PCDH15: variants seen among roughly 807,000 people sequenced by gnomAD.
PCDH15 encodes protocadherin-15.
PCDH15 carries 129 observed loss-of-function variants against 178.5 expected under a neutral mutation model. The observed-to-expected ratio is 0.72, with a 90% CI of 0.63 to 0.84. PCDH15 has a LOEUF of 0.84. Ranked by LOEUF, PCDH15 falls within the 40% of genes least tolerant of loss-of-function variation. The probability of loss-of-function intolerance (pLI) is 0.00; values close to 1 mark genes in which losing one functional copy is unlikely to be tolerated. For synonymous variants in PCDH15, 800 were observed against 732.0 expected (o/e 1.09, Z -1.50); for missense variants, 2,230 against 2,099.9 (o/e 1.06, Z -1.21).
intron 23 of PCDH15, among the ~76,000 whole-genome samples, chr10:53,945,991 T>TA (rs1347274921): frequency 6.6e-6 from 1 of 151,352 alleles, no homozygotes; most frequent in Non-Finnish European, 1.5e-5. Context: ...CTTCCACCAA[T>TA]AGCCTGATTT....
At position 55,253,685 on chromosome 10, in the gene PCDH15, G is replaced by A. The variant is rs531917761; in HGVS notation, c.-156+65914C>T. 2.6e-5 allele frequency among the ~76,000 whole-genome samples: 4 copies of A among 151,810 alleles called. No individual in the cohort carries two copies. The South Asian group carries it at 8.3e-4, about 32-fold the overall frequency. Reference sequence around the variant, plus strand: ...ATAAACCTATTCTTGTAAAGTATATGGCTCATTCAGCAATGCACATAAAGC... The same window carrying A: ...ATAAACCTATTCTTGTAAAGTATATAGCTCATTCAGCAATGCACATAAAGC... On this transcript the variant is annotated intron_variant, in intron 1 of 5. Coordinates refer to the PCDH15 transcript ENST00000458638.
rs1590205105 is a variant in PCDH15 at position 54,574,548 on chromosome 10, A to G, written c.92-46671T>C. Among the ~76,000 whole-genome samples the G allele has an allele frequency of 2.0e-5, 3 of 148,536 alleles. No homozygotes were observed. The Admixed American group carries it at 2.0e-4, about 10-fold the overall frequency. On this transcript the variant is annotated intron_variant, in intron 2 of 37. Transcript: ENST00000644397. ...TATGCAGCCAAAAAACACGTGAAAA[A>G]ATGCTCATCATCACTGGCCATCAGA...
chr10:55,335,067 A>G (rs1844345380), intron 2 of PCDH15, among the ~76,000 whole-genome samples: 1 of 152,208 alleles, frequency 6.6e-6, no homozygotes. Flanking sequence ...TGGGGTCTCA[A>G]ACATAGTTGT....
chr10:54,150,410 T>A (rs536348141), intron 14 of PCDH15, among the ~76,000 whole-genome samples: 98 of 152,098 alleles, frequency 6.4e-4, no homozygotes, highest in Non-Finnish European at 1.2e-3. Flanking sequence ...ACAAGTTTGA[T>A]CTCGTAAGAT....
chr10:54,769,985 A>G (rs11004565), intron 1 of PCDH15, among the ~76,000 whole-genome samples: 32,402 of 152,140 alleles, frequency 0.21, 3,924 homozygotes, highest in East Asian at 0.45. Flanking sequence ...TATTTACATT[A>G]AATTAGTTCA....
At chr10:54,996,853 G>A (rs1430158712) in intron 2 of PCDH15, among the ~76,000 whole-genome samples, 1 of 152,076 alleles carries the variant, frequency 6.6e-6, no homozygotes, top group Non-Finnish European at 1.5e-5. Context: ...GCTCACACCT[G>A]TAATCCCAGC....
chr10:54,717,993 C>T (rs901178589), intron 1 of PCDH15, among the ~76,000 whole-genome samples: 1 of 147,792 alleles, frequency 6.8e-6, no homozygotes, highest in Non-Finnish European at 1.5e-5. Context: ...TCATCATTCT[C>T]AGTAAAATAT....
At chr10:54,532,557 C>T (rs1000196179) in intron 2 of PCDH15, among the ~76,000 whole-genome samples, 2 of 152,110 alleles carry the variant, frequency 1.3e-5, no homozygotes, top group Non-Finnish European at 2.9e-5. Flanking sequence ...GGCAGATTTT[C>T]CTGGCACATT....
rs186024683 is a variant in PCDH15 at position 54,295,703 on chromosome 10, G to C, written c.876+21568C>G. 2.6e-3 allele frequency among the ~76,000 whole-genome samples: 393 copies of C among 152,298 alleles called. 1 individual carries two copies. The highest frequency in any genetic ancestry group is 7.1e-3 in the African/African-American group (295 of 41,562). ...TGAAGTCAGCAAGACCAAGAACCCA[G>C]TGGAAGGAACAAATTCCAGACACAT... On this transcript the variant is annotated intron_variant, in intron 8 of 37. Transcript: ENST00000644397.
At chr10:55,034,092 C>A (rs891502095) in intron 2 of PCDH15, among the ~76,000 whole-genome samples, 6 of 150,282 alleles carry the variant, frequency 4.0e-5, no homozygotes, top group African/African-American at 1.2e-4. Flanking sequence ...AAAAAAAAAT[C>A]TTTGTTTTGC....
intron 2 of PCDH15, among the ~76,000 whole-genome samples, chr10:55,507,371 TACAC>T (rs1014074248): frequency 1.3e-5 from 2 of 150,838 alleles, no homozygotes; most frequent in African/African-American, 4.9e-5. Context: ...CACATACACA[TACAC>T]AAACACACAC....
At chr10:54,311,786 C>T (rs1000370440) in intron 8 of PCDH15, among the ~76,000 whole-genome samples, 11 of 151,790 alleles carry the variant, frequency 7.2e-5, no homozygotes, top group Non-Finnish European at 1.0e-4. Context: ...ATTAGAAAAC[C>T]GTGTAATCTA....
Position 55,350,228 on chromosome 10 carries a change from CATATATATATATATATATATATATATAT to C in PCDH15, c.-155-183605_-155-183578del, listed in dbSNP as rs869240598. On this transcript the variant is annotated intron_variant, in intron 2 of 5. Coordinates refer to the PCDH15 transcript ENST00000613346. ...GGTGAATATATACCATATATAAACTCATATATATATATATATATATATATATATATATATATATATACACACACACACA... is the reference window on the plus strand; with the variant it reads ...GGTGAATATATACCATATATAAACTCATATATATATATACACACACACACA... Among the ~76,000 whole-genome samples, 6 of 73,440 alleles carry C rather than the reference CATATATATATATATATATATATATATAT, an allele frequency of 8.2e-5. 1 individual carries two copies. Among genetic ancestry groups the C allele is most frequent in the South Asian group, 1.0e-3 (2 of 1,956 alleles). 48.2% of individuals were successfully genotyped at this position (73,440 alleles called of 152,430 possible).
At chr10:53,900,157 T>C (rs1188805616) in intron 26 of PCDH15, among the ~76,000 whole-genome samples, 3 of 152,098 alleles carry the variant, frequency 2.0e-5, no homozygotes, top group East Asian at 3.9e-4. Context: ...CTTGACTTTA[T>C]TATTATAGCA....
intron 2 of PCDH15, among the ~76,000 whole-genome samples, chr10:55,477,009 G>T (rs996945598): frequency 5.9e-5 from 9 of 151,826 alleles, no homozygotes; most frequent in African/African-American, 1.9e-4. Flanking sequence ...CATGTGAAGT[G>T]CCAAGGTTAT....
intron 3 of PCDH15, among the ~76,000 whole-genome samples, chr10:54,395,000 C>CT: frequency 6.6e-6 from 1 of 152,206 alleles, no homozygotes; most frequent in South Asian, 2.1e-4. Flanking sequence ...TTATCCTGTT[C>CT]TTTTTTCGAG....
At chr10:54,052,809 G>A (rs536365612) in intron 18 of PCDH15, among the ~76,000 whole-genome samples, 2 of 152,090 alleles carry the variant, frequency 1.3e-5, no homozygotes, top group African/African-American at 4.8e-5. Context: ...CCCATAATCC[G>A]CATGTGTTGT....
intron 2 of PCDH15, among the ~76,000 whole-genome samples, chr10:54,993,425 T>C (rs1332290845): frequency 6.6e-6 from 1 of 152,170 alleles, no homozygotes; most frequent in Non-Finnish European, 1.5e-5. Flanking sequence ...CTTGACTATG[T>C]CCTCTGTAAT....
intron 26 of PCDH15, among the ~76,000 whole-genome samples, chr10:53,876,178 G>GT (rs11342869): frequency 0.027 from 3,659 of 134,004 alleles, 137 homozygotes; most frequent in African/African-American, 0.082. Context: ...CTTGAGTCTT[G>GT]TTTTTTTTTT....
Sources: allele counts gnomAD v4.1 joint callset (sites outside exome capture counted in the v4.1 genomes callset), GRCh38; gene constraint gnomAD v4.1.1; transcripts MANE v1.5; gene names NCBI Gene and HGNC (gene_info 2026-07-23, HGNC 2026-07-21).